The following MCM3 variants were observed in gnomAD, a reference collection of about 807,000 sequenced individuals.
The protein encoded by MCM3 is DNA replication licensing factor MCM3.
A neutral mutation model predicts 91.3 loss-of-function variants in MCM3; 59 were observed. The ratio of observed to expected loss-of-function variants is 0.65; its 90% CI spans 0.52 to 0.80. MCM3 has a LOEUF of 0.80. Among genes scored for constraint, MCM3 ranks in the 30% least tolerant of loss-of-function variants. The pLI is 0.00. For synonymous variants in MCM3, 383 were observed against 379.6 expected (o/e 1.01, Z -0.10); for missense variants, 919 against 1,035.4 (o/e 0.89, Z 1.54).
At chr6:52,280,471 C>T (rs963503453) in intron 4 of MCM3, among the ~76,000 whole-genome samples, 23 of 152,220 alleles carry the variant, frequency 1.5e-4, no homozygotes, top group African/African-American at 5.3e-4. Context: ...TATTTTCACA[C>T]GTCATGCACA....
Position 52,264,519 on chromosome 6 carries a change from G to A in MCM3, c.*69C>T. 7.1e-6 allele frequency: 11 copies of A among 1,549,506 alleles called. No individual in the cohort carries two copies. The highest frequency in any genetic ancestry group is 9.8e-6 in the Non-Finnish European group (11 of 1,124,022). On this transcript the variant is annotated 3_prime_UTR_variant, in exon 17 of 17. Coordinates refer to ENST00000596288, the MANE Select transcript of MCM3 (RefSeq NM_002388.6). The stretch of plus-strand genomic sequence containing the variant: ...TAAGGGAGTAGAGGCAAAGACTTGG[G>A]TCAGGGAGAGGGTGGGAAACACAGA...
At chr6:52,284,144 G>T (rs1021626501) in intron 1 of MCM3, among the ~76,000 whole-genome samples, 1 of 152,080 alleles carries the variant, frequency 6.6e-6, no homozygotes, top group Non-Finnish European at 1.5e-5. Flanking sequence ...ATCTTAGTTG[G>T]TATTGAAAAA....
At position 52,282,700 on chromosome 6, in the gene MCM3, G is replaced by C; in HGVS notation, c.353C>G (p.Ser118Cys). The change falls in exon 3 of 17, where the codon TCC becomes TGC. Residue 118 changes from serine to cysteine, a missense_variant. Physicochemically the swap from Ser to Cys is moderately radical, Grantham distance 112. Coordinates refer to ENST00000596288, the MANE Select transcript of MCM3 (RefSeq NM_002388.6). ...ACAGACCACACAGCTGAGGAAGCAG[G>C]AGGTAAGAGTCCGCGGGGAGACGTG... ...SKHVSPRTLT[S>C]CFLSCVVCVE... The C allele has an allele frequency of 6.2e-7, 1 of 1,613,886 alleles. No homozygotes were observed. The highest frequency in any genetic ancestry group is 8.5e-7 in the Non-Finnish European group (1 of 1,180,036).
intron 9 of MCM3, 174 bp downstream of exon 9, chr6:52,276,094 G>A (rs1765533634): frequency 4.8e-6 from 3 of 618,564 alleles, no homozygotes; most frequent in Non-Finnish European, 8.4e-6. Context: ...ATTCTGCTGT[G>A]CAGGAATGGG....
At chr6:52,275,755 A>T (rs1201562323) in intron 9 of MCM3, among the ~76,000 whole-genome samples, 3 of 152,206 alleles carry the variant, frequency 2.0e-5, no homozygotes, top group African/African-American at 7.2e-5. Context: ...AAACTCAACA[A>T]ACCCCACGCA....
At chr6:52,266,385 C>T (rs1033069632) in intron 15 of MCM3, among the ~76,000 whole-genome samples, 6 of 152,170 alleles carry the variant, frequency 3.9e-5, no homozygotes, top group African/African-American at 1.4e-4. Flanking sequence ...AATGCTTATA[C>T]CAGGTGAAAC....
chr6:52,282,805 A>G lies in MCM3; in HGVS notation c.248T>C (p.Phe83Ser), dbSNP rs2128284529. 1 of 1,614,140 alleles carries G rather than the reference A, an allele frequency of 6.2e-7. No individual in the cohort carries two copies. Among genetic ancestry groups the G allele is most frequent in the East Asian group, 2.2e-5 (1 of 44,880 alleles). The change falls in exon 3 of 17, where the codon TTT becomes TCT. Residue 83 changes from phenylalanine (F) to serine (S), a missense_variant. By Grantham distance (155) the Phe-to-Ser change is radical (BLOSUM62 -2). Around this residue, in one of 3 missense-constraint regions of MCM3, gnomAD observed 401 missense variants for 402.7 expected, o/e 1.00. Coordinates refer to ENST00000596288, the MANE Select transcript of MCM3 (RefSeq NM_002388.6). ...LVAFQRALKD[F>S]VASIDATYAK... ...ATAGGTAGCATCAATGGAGGCCACA[A>G]AATCCTTTAAGGCCCGCTGGAAGGC... is the stretch of plus-strand genomic sequence containing the variant.
intron 16 of MCM3, 103 bp from the exon 17 acceptor site, chr6:52,264,889 T>C (rs1231514884): frequency 1.7e-5 from 16 of 932,144 alleles, no homozygotes; most frequent in Non-Finnish European, 2.7e-5. Flanking sequence ...AGTAGAGGCG[T>C]CCCCTCAATA....
At chr6:52,282,461 T>C (rs960472715) in intron 3 of MCM3, among the ~76,000 whole-genome samples, 192 bp downstream of exon 3, 2 of 152,178 alleles carry the variant, frequency 1.3e-5, no homozygotes, top group Non-Finnish European at 2.9e-5. Flanking sequence ...GCAGAATTCA[T>C]CATTCTACTA....
At chr6:52,282,017 G>C (rs772955487) in intron 4 of MCM3, 28 bp downstream of exon 4, 4 of 1,611,778 alleles carry the variant, frequency 2.5e-6, no homozygotes, top group Non-Finnish European at 3.4e-6. Context: ...CAACCTCCAA[G>C]ACAGCTCAAC....
In MCM3 at chr6:52,273,936, C is replaced by T. The variant is rs758628327; in HGVS notation, c.1375-20G>A. 2.4e-5 allele frequency: 38 copies of T among 1,582,584 alleles called. No individual in the cohort carries two copies. Among genetic ancestry groups the T allele is most frequent in the Non-Finnish European group, 2.3e-5 (27 of 1,159,222 alleles). On this transcript the variant is annotated intron_variant, in intron 9 of 16. Coordinates refer to ENST00000596288, the MANE Select transcript of MCM3 (RefSeq NM_002388.6). ...GTCATACTGGGGAATGCGAGGACAA[C>T]AGAAGTGGACATGACATCAATAGGA... is the stretch of plus-strand genomic sequence containing the variant.
chr6:52,275,191 C>T (rs542772314), intron 9 of MCM3, among the ~76,000 whole-genome samples: 8 of 152,284 alleles, frequency 5.3e-5, no homozygotes, highest in East Asian at 3.9e-4. Context: ...AAACTCTGAA[C>T]GGGGGACCAT....
intron 9 of MCM3, among the ~76,000 whole-genome samples, chr6:52,275,197 A>T (rs147667197): frequency 1.3e-4 from 20 of 152,348 alleles, no homozygotes; most frequent in African/African-American, 4.6e-4. Context: ...TGAACGGGGG[A>T]CCATGCAACT....
At chr6:52,284,165 G>A (rs1055586889) in intron 1 of MCM3, among the ~76,000 whole-genome samples, 4 of 152,260 alleles carry the variant, frequency 2.6e-5, no homozygotes, top group African/African-American at 9.6e-5. Flanking sequence ...GAATGCAGCC[G>A]AATTATGGAG....
intron 12 of MCM3, 145 bp downstream of exon 12, chr6:52,272,156 A>G: frequency 1.4e-6 from 1 of 723,070 alleles, no homozygotes; most frequent in South Asian, 3.4e-5. Flanking sequence ...ATAAAAGGAA[A>G]TGATTAAAAT....
At position 52,267,058 on chromosome 6, in the gene MCM3, A is replaced by G. The variant is rs112849826; in HGVS notation, c.2073-362T>C. 2.6e-3 allele frequency among the ~76,000 whole-genome samples: 394 copies of G among 150,936 alleles called. 1 individual carries two copies. The highest frequency in any genetic ancestry group is 9.0e-3 in the African/African-American group (368 of 41,078). ...AGTAGAGGGGTCAAAAGCACACAAG[A>G]AGGACTCGCTCTCCTTCTCTTTTAC... On this transcript the variant is annotated intron_variant, in intron 14 of 16. Transcript: ENST00000596288.
At chr6:52,266,723 G>C in intron 14 of MCM3, 27 bp from the exon 15 acceptor site, 1 of 1,589,208 alleles carries the variant, frequency 6.3e-7, no homozygotes, top group Non-Finnish European at 8.6e-7. Context: ...AGTTAAGAGA[G>C]AGAAAGAGTT....
At position 52,272,360 on chromosome 6, in the gene MCM3, TGTAG is replaced by T. The variant is rs774663184; in HGVS notation, c.1764_1767del (p.Tyr589LeufsTer14). On this transcript the variant is annotated frameshift_variant, in exon 12 of 17. Coordinates refer to ENST00000596288, the MANE Select transcript of MCM3 (RefSeq NM_002388.6). LOFTEE classifies it high-confidence loss of function. ...CGCAGGCGTGAATACTCTTCTGCAA[TGTAG>T]GTGGCCGACTCCTGTGTCAGGACAG... The T allele has an allele frequency of 5.0e-6, 8 of 1,614,224 alleles. No individual in the cohort carries two copies. Among genetic ancestry groups the T allele is most frequent in the African/African-American group, 1.3e-5 (1 of 75,044 alleles).
chr6:52,284,535 C>CGGCCG (rs2128285865), intron 1 of MCM3, 62 bp downstream of exon 1: 1 of 1,496,712 alleles, frequency 6.7e-7, no homozygotes, highest in South Asian at 1.2e-5. Flanking sequence ...TCTGGCTTCC[C>CGGCCG]GGCCGGGCCG....
Sources: allele counts gnomAD v4.1 joint callset (sites outside exome capture counted in the v4.1 genomes callset), GRCh38; gene constraint gnomAD v4.1.1; regional missense constraint gnomAD v4.1.1; transcripts MANE v1.5; gene names NCBI Gene and HGNC (gene_info 2026-07-23, HGNC 2026-07-21).